CFAP54: variants seen among roughly 807,000 people sequenced by gnomAD.
The protein encoded by CFAP54 is cilia- and flagella-associated protein 54.
In CFAP54, 290 loss-of-function variants were observed where a neutral mutation model predicts 370.4. The ratio of observed to expected loss-of-function variants is 0.78; its 90% CI spans 0.71 to 0.86. The LOEUF (loss-of-function observed/expected upper bound fraction) is 0.86. Among genes scored for constraint, CFAP54 ranks in the 40% least tolerant of loss-of-function variants. The probability of loss-of-function intolerance (pLI) is 0.00; values close to 1 mark genes in which losing one functional copy is unlikely to be tolerated. For missense variants in CFAP54, 3,399 were observed against 3,528.7 expected (o/e 0.96, Z 0.93); for synonymous variants, 1,206 against 1,236.5 (o/e 0.98, Z 0.52).
intron 40 of CFAP54, among the ~76,000 whole-genome samples, chr12:96,682,615 A>G (rs1425079137): frequency 2.0e-5 from 3 of 152,152 alleles, no homozygotes; most frequent in Non-Finnish European, 4.4e-5. Flanking sequence ...GGCTCAAGCT[A>G]TAAGCCCACC....
At chr12:96,721,265 C>T (rs886273081) in intron 50 of CFAP54, among the ~76,000 whole-genome samples, 1 of 152,152 alleles carries the variant, frequency 6.6e-6, no homozygotes, top group Non-Finnish European at 1.5e-5. Context: ...GTTTCTGCAT[C>T]ATATTGCACT....
At position 96,617,905 on chromosome 12, in the gene CFAP54, G is replaced by A. The variant is rs570304602; in HGVS notation, c.3640-3685G>A. Among the ~76,000 whole-genome samples, 86 of 151,718 alleles carry A rather than the reference G, an allele frequency of 5.7e-4. 1 individual carries two copies. The highest frequency in any genetic ancestry group is 1.7e-3 in the South Asian group (8 of 4,790). ...CTCGGGAGGCTGAGGCAGGAGAATG[G>A]CGTGAACCCGGGAGGCAGAGCTTGC... is the stretch of plus-strand genomic sequence containing the variant. On this transcript the variant is annotated intron_variant, in intron 26 of 67. Transcript: ENST00000524981.
At chr12:96,761,201 A>C (rs1350573452) in intron 58 of CFAP54, among the ~76,000 whole-genome samples, 2 of 152,158 alleles carry the variant, frequency 1.3e-5, no homozygotes, top group Non-Finnish European at 2.9e-5. Flanking sequence ...TTTGATTTGC[A>C]TTCCTCTGGT....
chr12:96,767,289 C>G (rs539332030), intron 60 of CFAP54, among the ~76,000 whole-genome samples: 1 of 152,072 alleles, frequency 6.6e-6, no homozygotes, highest in East Asian at 1.9e-4. Context: ...AGAAAAGACA[C>G]GAAAAAGGTG....
At chr12:96,749,151 G>A (rs1367363545) in intron 55 of CFAP54, among the ~76,000 whole-genome samples, 2 of 152,208 alleles carry the variant, frequency 1.3e-5, no homozygotes, top group Non-Finnish European at 2.9e-5. Flanking sequence ...TGGAGTTTGG[G>A]AAGTCCAAGA....
At chr12:96,594,185 ATGT>A (rs1956152484) in intron 24 of CFAP54, 103 bp from the exon 25 acceptor site, 1 of 732,516 alleles carries the variant, frequency 1.4e-6, no homozygotes, top group Non-Finnish European at 2.0e-6. Context: ...ACAAACACTC[ATGT>A]TGTTTTTAGC....
At chr12:96,718,884 C>G (rs1381394487) in intron 49 of CFAP54, among the ~76,000 whole-genome samples, 2 of 152,112 alleles carry the variant, frequency 1.3e-5, no homozygotes, top group African/African-American at 2.4e-5. Flanking sequence ...ACTAAAAATA[C>G]AAAATTAGCT....
At chr12:96,872,993 G>A (rs1471651855) in intron 67 of CFAP54, among the ~76,000 whole-genome samples, 3 of 152,204 alleles carry the variant, frequency 2.0e-5, no homozygotes, top group Admixed American at 6.5e-5. Flanking sequence ...GCCATCAGAT[G>A]ACAGAAGGTT....
intron 21 of CFAP54, 50 bp from the exon 22 acceptor site, chr12:96,580,870 A>G (rs1330051949): frequency 2.5e-5 from 32 of 1,287,586 alleles, no homozygotes; most frequent in Non-Finnish European, 3.2e-5. Context: ...TTTAAAAGTC[A>G]TGTTATTTTA....
chr12:96,693,893 T>G, intron 45 of CFAP54, 85 bp downstream of exon 45: 3 of 815,482 alleles, frequency 3.7e-6, no homozygotes, highest in Non-Finnish European at 5.8e-6. Context: ...GGACTTATAA[T>G]AACAAGCTGA....
At chr12:96,648,580 CTTTTTTTTTTTTTT>C (rs11303164) in intron 34 of CFAP54, among the ~76,000 whole-genome samples, 4 of 58,682 alleles carry the variant, frequency 6.8e-5, no homozygotes, top group South Asian at 9.7e-4. Flanking sequence ...AAACAGGGTT[CTTTTTTTTTTTTTT>C]TTTTTTTTTT....
At chr12:96,684,310 C>G (rs1031189195) in intron 40 of CFAP54, among the ~76,000 whole-genome samples, 6 of 152,160 alleles carry the variant, frequency 3.9e-5, no homozygotes, top group Admixed American at 3.3e-4. Flanking sequence ...AAACTATACT[C>G]CAGTCATGCC....
At chr12:96,779,122 A>AC (rs1958556035) in intron 60 of CFAP54, among the ~76,000 whole-genome samples, 1 of 151,678 alleles carries the variant, frequency 6.6e-6, no homozygotes, top group Non-Finnish European at 1.5e-5. Context: ...AAAAAAAAAA[A>AC]AAACCCACAA....
intron 67 of CFAP54, among the ~76,000 whole-genome samples, chr12:96,866,673 C>T (rs1241252930): frequency 1.3e-5 from 2 of 152,088 alleles, no homozygotes; most frequent in Non-Finnish European, 2.9e-5. Flanking sequence ...ACAAGATTCA[C>T]AAGAATTTAT....
intron 19 of CFAP54, among the ~76,000 whole-genome samples, chr12:96,575,403 T>C (rs559335294): frequency 4.6e-5 from 7 of 152,200 alleles, no homozygotes; most frequent in African/African-American, 1.2e-4. Context: ...GTCCACCTTA[T>C]CTACTTTTTC....
intron 62 of CFAP54, among the ~76,000 whole-genome samples, chr12:96,787,766 T>G (rs1958642858): frequency 6.6e-6 from 1 of 152,182 alleles, no homozygotes; most frequent in Non-Finnish European, 1.5e-5. Flanking sequence ...CAGAAGAAAG[T>G]TACTTTATTT....
At chr12:96,857,054 A>G (rs1959724303) in intron 66 of CFAP54, among the ~76,000 whole-genome samples, 1 of 152,222 alleles carries the variant, frequency 6.6e-6, no homozygotes, top group African/African-American at 2.4e-5. Context: ...GGAGAAGTGC[A>G]GAGTGAGGTG....
intron 60 of CFAP54, among the ~76,000 whole-genome samples, chr12:96,765,932 T>A (rs1353263501): frequency 6.6e-6 from 1 of 152,208 alleles, no homozygotes; most frequent in Non-Finnish European, 1.5e-5. Flanking sequence ...AAAATATTTA[T>A]TGAGTGCTTC....
intron 19 of CFAP54, among the ~76,000 whole-genome samples, chr12:96,575,593 G>A (rs550912380): frequency 2.0e-5 from 3 of 152,188 alleles, no homozygotes; most frequent in East Asian, 3.9e-4. Flanking sequence ...TGCTTACTCT[G>A]TTCCAAACAC....
Sources: allele counts gnomAD v4.1 joint callset (sites outside exome capture counted in the v4.1 genomes callset), GRCh38; gene constraint gnomAD v4.1.1; transcripts MANE v1.5; gene names NCBI Gene and HGNC (gene_info 2026-07-23, HGNC 2026-07-21).